CNTNAP2: variants seen among roughly 807,000 people sequenced by gnomAD.
CNTNAP2 encodes the protein contactin-associated protein-like 2.
A neutral mutation model predicts 155.2 loss-of-function variants in CNTNAP2; 98 were observed. The ratio of observed to expected loss-of-function variants is 0.63; its 90% CI spans 0.54 to 0.75. The LOEUF is 0.75. Ranked by LOEUF, CNTNAP2 falls within the 30% of genes least tolerant of loss-of-function variation. The pLI, the probability that CNTNAP2 is intolerant of heterozygous loss-of-function variation, is 0.00. For missense variants in CNTNAP2, 1,727 were observed against 1,688.1 expected (o/e 1.02, Z -0.40); for synonymous variants, 651 against 631.2 (o/e 1.03, Z -0.47).
At chr7:146,888,502 A>G (rs1320233246) in intron 3 of CNTNAP2, among the ~76,000 whole-genome samples, 1 of 152,106 alleles carries the variant, frequency 6.6e-6, no homozygotes, top group Non-Finnish European at 1.5e-5. Flanking sequence ...AAATTTAACT[A>G]TATTCTAATG....
chr7:148,212,468 ATTAT>A (rs1795567753), intron 18 of CNTNAP2, among the ~76,000 whole-genome samples: 1 of 152,166 alleles, frequency 6.6e-6, no homozygotes, highest in Non-Finnish European at 1.5e-5. Context: ...TACAGAATTT[ATTAT>A]TTTTCTATCA....
At chr7:148,152,792 G>C (rs1025561566) in intron 17 of CNTNAP2, among the ~76,000 whole-genome samples, 5 of 152,038 alleles carry the variant, frequency 3.3e-5, no homozygotes, top group Admixed American at 1.3e-4. Context: ...AGGCCGAGAT[G>C]GGGGGATCAC....
At chr7:146,624,175 A>G (rs1175704162) in intron 1 of CNTNAP2, among the ~76,000 whole-genome samples, 2 of 151,198 alleles carry the variant, frequency 1.3e-5, no homozygotes, top group African/African-American at 2.5e-5. Context: ...ACCTTATAGA[A>G]TATGTCTTGC....
chr7:146,200,914 G>T (rs1798850914), intron 1 of CNTNAP2, among the ~76,000 whole-genome samples: 1 of 152,146 alleles, frequency 6.6e-6, no homozygotes. Context: ...ACGTTGCAGG[G>T]TAAAAAGGAG....
At chr7:147,211,052 C>T (rs1055634153) in intron 8 of CNTNAP2, among the ~76,000 whole-genome samples, 10 of 150,264 alleles carry the variant, frequency 6.7e-5, no homozygotes, top group Non-Finnish European at 1.5e-4. Flanking sequence ...TGCTTTATGG[C>T]TGAACATGTG....
intron 1 of CNTNAP2, among the ~76,000 whole-genome samples, chr7:146,598,763 T>C (rs1051896067): frequency 2.6e-5 from 4 of 152,040 alleles, no homozygotes; most frequent in African/African-American, 9.7e-5. Context: ...GTGATCTCAC[T>C]CAGCATCATG....
At chr7:146,577,372 G>A (rs1798541445) in intron 1 of CNTNAP2, among the ~76,000 whole-genome samples, 2 of 152,110 alleles carry the variant, frequency 1.3e-5, no homozygotes, top group South Asian at 4.1e-4. Context: ...AATATGTGCT[G>A]CATTTCCTCA....
At chr7:147,033,517 A>G (rs1052933274) in intron 3 of CNTNAP2, among the ~76,000 whole-genome samples, 1 of 151,924 alleles carries the variant, frequency 6.6e-6, no homozygotes, top group African/African-American at 2.4e-5. Context: ...CCTGTAAGAT[A>G]TTATCAAATA....
At chr7:147,220,340 C>T (rs888856465) in intron 8 of CNTNAP2, among the ~76,000 whole-genome samples, 13 of 151,852 alleles carry the variant, frequency 8.6e-5, no homozygotes, top group South Asian at 2.1e-4. Context: ...TTTCTCCATC[C>T]GTTTACTTTT....
chr7:147,048,935 C>T (rs891773062), intron 4 of CNTNAP2, among the ~76,000 whole-genome samples: 1 of 152,132 alleles, frequency 6.6e-6, no homozygotes, highest in East Asian at 1.9e-4. Context: ...AATGTAATAA[C>T]CAGTCATCTT....
chr7:146,139,030 C>T (rs1384773519), intron 1 of CNTNAP2, among the ~76,000 whole-genome samples: 1 of 152,112 alleles, frequency 6.6e-6, no homozygotes, highest in Non-Finnish European at 1.5e-5. Context: ...CCTCACCTAC[C>T]TTAAACATGC....
chr7:146,909,199 T>A (rs1796219237), intron 3 of CNTNAP2, among the ~76,000 whole-genome samples: 2 of 150,988 alleles, frequency 1.3e-5, no homozygotes, highest in South Asian at 4.2e-4. Flanking sequence ...ACCAGATGGA[T>A]TCACAGCCGA....
At chr7:146,151,708 A>ATATG (rs1562969149) in intron 1 of CNTNAP2, among the ~76,000 whole-genome samples, 1 of 62,232 alleles carries the variant, frequency 1.6e-5, no homozygotes, top group Non-Finnish European at 3.1e-5. Context: ...GTATATATAT[A>ATATG]TATATGTATA....
At chr7:146,665,457 G>A (rs1370399566) in intron 1 of CNTNAP2, among the ~76,000 whole-genome samples, 1 of 51,252 alleles carries the variant, frequency 2.0e-5, no homozygotes, top group African/African-American at 8.5e-5. Flanking sequence ...GTAATTTTTT[G>A]TTTTGTTTGT....
At chr7:147,062,057 G>C (rs1210591188) in intron 4 of CNTNAP2, among the ~76,000 whole-genome samples, 9 of 140,652 alleles carry the variant, frequency 6.4e-5, no homozygotes, top group African/African-American at 2.3e-4. Flanking sequence ...GAACCCGGGA[G>C]GCAGAGCTTG....
At chr7:147,763,560 G>A (rs1296241984) in intron 13 of CNTNAP2, among the ~76,000 whole-genome samples, 2 of 152,150 alleles carry the variant, frequency 1.3e-5, no homozygotes, top group East Asian at 3.9e-4. Context: ...GGGAGGCAAA[G>A]AGCCGTTAAA....
chr7:148,412,455 T>C (rs2116721870), intron 23 of CNTNAP2, among the ~76,000 whole-genome samples: 1 of 152,380 alleles, frequency 6.6e-6, no homozygotes, highest in East Asian at 1.9e-4. Context: ...TGGTTTTCAA[T>C]GCGAAGTCTT....
At chr7:147,586,436 C>T (rs1800622134) in intron 12 of CNTNAP2, among the ~76,000 whole-genome samples, 1 of 151,000 alleles carries the variant, frequency 6.6e-6, no homozygotes, top group African/African-American at 2.4e-5. Context: ...TGCCCTTGGC[C>T]AAGAGGTGGG....
chr7:146,121,636 A>G lies in CNTNAP2; in HGVS notation c.97+4663A>G, dbSNP rs543301143. ...CTTGCAAAGTTATAAAACAGCGTAT[A>G]TAGTAATTTTAAGCCTCAAAACCAG... On this transcript the variant is annotated intron_variant, in intron 1 of 23. Transcript: ENST00000361727. 7.9e-5 allele frequency among the ~76,000 whole-genome samples: 12 copies of G among 152,284 alleles called. No homozygotes were observed. The East Asian group carries it at 2.1e-3, about 27-fold the overall frequency.
Sources: allele counts gnomAD v4.1 joint callset (sites outside exome capture counted in the v4.1 genomes callset), GRCh38; gene constraint gnomAD v4.1.1; transcripts MANE v1.5; gene names NCBI Gene and HGNC (gene_info 2026-07-23, HGNC 2026-07-21).